The following NLRP11 variants were observed in gnomAD, a reference collection of about 807,000 sequenced individuals.
The protein encoded by NLRP11 is NACHT, LRR and PYD domains-containing protein 11.
Under a neutral mutation model 79.3 loss-of-function variants are expected in NLRP11, and 53 were observed. The ratio of observed to expected loss-of-function variants is 0.67; its 90% CI spans 0.54 to 0.84. The LOEUF (loss-of-function observed/expected upper bound fraction) is 0.84, where lower values mean the gene tolerates loss of function less well. Among genes scored for constraint, NLRP11 ranks in the 40% least tolerant of loss-of-function variants. The pLI, the probability that NLRP11 is intolerant of heterozygous loss-of-function variation, is 0.00. For synonymous variants in NLRP11, 518 were observed against 462.6 expected (o/e 1.12, Z -1.54); for missense variants, 1,264 against 1,255.0 (o/e 1.01, Z -0.11).
chr19:55,796,800 T>C (rs1310898893), intron 5 of NLRP11, among the ~76,000 whole-genome samples: 2 of 152,040 alleles, frequency 1.3e-5, no homozygotes, highest in Admixed American at 6.6e-5. Flanking sequence ...GCGATTCTCC[T>C]GCCTCGGCCT....
At chr19:55,821,203 TCTCACACACACACACACACACACACA>T (rs1453908736) in intron 1 of NLRP11, among the ~76,000 whole-genome samples, 34 of 113,202 alleles carry the variant, frequency 3.0e-4, no homozygotes, top group Non-Finnish European at 5.0e-4. Context: ...TCTCTCTCTC[TCTCACACACACACACACACACACACA>T]CACACACACA....
intron 5 of NLRP11, chr19:55,798,237 A>T: frequency 8.2e-6 from 6 of 728,542 alleles, no homozygotes; most frequent in Non-Finnish European, 1.0e-5. Context: ...ACCTCAGGTG[A>T]TCTGCCCGCC....
intron 7 of NLRP11, 62 bp from the exon 8 acceptor site, chr19:55,789,461 A>G (rs1990108071): frequency 4.8e-6 from 7 of 1,463,798 alleles, no homozygotes; most frequent in Middle Eastern, 1.8e-4. Flanking sequence ...TATTTCACAG[A>G]GTGTTAAGCA....
At chr19:55,802,201 C>CA in intron 4 of NLRP11, among the ~76,000 whole-genome samples, 1 of 150,222 alleles carries the variant, frequency 6.7e-6, no homozygotes, top group East Asian at 1.9e-4. Context: ...AAATGGCATC[C>CA]AAATAGGAAG....
intron 4 of NLRP11, among the ~76,000 whole-genome samples, chr19:55,806,374 C>T (rs528714102): frequency 3.3e-5 from 5 of 152,338 alleles, no homozygotes; most frequent in African/African-American, 7.2e-5. Flanking sequence ...TTCTGGCTCT[C>T]GCCGTCATTT....
chr19:55,801,590 C>T (rs1246141334), exon 5 of NLRP11: 2 of 1,613,900 alleles, frequency 1.2e-6, no homozygotes, highest in Non-Finnish European at 1.7e-6. Context: ...ACTTATTTGG[C>T]ATGTGGGCTC....
At chr19:55,800,276 T>C (rs2122767236) in intron 5 of NLRP11, among the ~76,000 whole-genome samples, 1 of 152,260 alleles carries the variant, frequency 6.6e-6, no homozygotes, top group Non-Finnish European at 1.5e-5. Context: ...GGATTGTTAG[T>C]TTTACTACAT....
At chr19:55,823,141 C>T (rs529769033) in intron 1 of NLRP11, among the ~76,000 whole-genome samples, 1 of 146,690 alleles carries the variant, frequency 6.8e-6, no homozygotes, top group African/African-American at 2.6e-5. Context: ...AGGCACCCCC[C>T]AGCAGGAGCA....
chr19:55,799,112 T>A (rs575937122), intron 5 of NLRP11, among the ~76,000 whole-genome samples: 38 of 152,216 alleles, frequency 2.5e-4, no homozygotes, highest in Non-Finnish European at 4.7e-4. Context: ...ACCAAAAATA[T>A]AAAAGTTAGC....
chr19:55,787,770 GT>G (rs1467075076), intron 9 of NLRP11, among the ~76,000 whole-genome samples: 1 of 152,198 alleles, frequency 6.6e-6, no homozygotes, highest in African/African-American at 2.4e-5. Context: ...CTGTTTGAGA[GT>G]TGGAGAGCAA....
chr19:55,785,925 T>A, intron 9 of NLRP11, 54 bp from the exon 10 acceptor site: 1 of 1,561,670 alleles, frequency 6.4e-7, no homozygotes, highest in East Asian at 2.2e-5. Context: ...GGTCTCAGCT[T>A]TGTTGCATCA....
At chr19:55,827,377 A>G (rs988547285) in intron 1 of NLRP11, among the ~76,000 whole-genome samples, 6 of 150,124 alleles carry the variant, frequency 4.0e-5, no homozygotes, top group African/African-American at 1.5e-4. Context: ...TGTCTAAAAC[A>G]CCAAAAGCAA....
chr19:55,831,780 T>C (rs1982813094), intron 1 of NLRP11, among the ~76,000 whole-genome samples, 183 bp downstream of exon 1: 1 of 150,858 alleles, frequency 6.6e-6, no homozygotes, highest in South Asian at 2.1e-4. Flanking sequence ...ATGACCCAAA[T>C]TTACTCATGT....
At chr19:55,801,577 A>G (rs372712418) in exon 5 of NLRP11, 99 of 1,613,876 alleles carry the variant, frequency 6.1e-5, no homozygotes, top group Non-Finnish European at 8.0e-5. Flanking sequence ...CTCACCTCAG[A>G]TGACTTATTT....
At position 55,789,462 on chromosome 19, in the gene NLRP11, G is replaced by C. The variant is rs138626549; in HGVS notation, c.2514-63C>G. 568 of 1,464,114 alleles carry C rather than the reference G, an allele frequency of 3.9e-4. 7 individuals carry two copies. Among genetic ancestry groups the C allele is most frequent in the South Asian group, 3.8e-3 (297 of 77,934 alleles). 90.7% of individuals were successfully genotyped at this position (1,464,114 alleles called of 1,614,324 possible). On this transcript the variant is annotated intron_variant, in intron 7 of 9. Transcript: ENST00000589093. ...TGTCTCCAAAGATTTATTTCACAGAGTGTTAAGCATTCTTGGACCCGTCTT... is the reference window on the plus strand; with the variant it reads ...TGTCTCCAAAGATTTATTTCACAGACTGTTAAGCATTCTTGGACCCGTCTT...
chr19:55,809,875 C>G lies in NLRP11; in HGVS notation c.735G>C (p.Leu245Phe). Residue 245 changes from leucine to phenylalanine, a missense_variant, in exon 3 of 10, where the codon TTG becomes TTC. Transcript: ENST00000589093. This position sits in a 1 kb window ranked among gnomAD's most constrained non-coding sequence, Gnocchi z 4.5. The stretch of plus-strand genomic sequence containing the variant: ...GAACTTTCTGGGTGCTGTTACTACA[C>G]AAAGCACTTTCATTGACATTTAACT... 4 of 1,614,188 alleles carry G rather than the reference C, an allele frequency of 2.5e-6. No homozygotes were observed. The highest frequency in any genetic ancestry group is 3.4e-6 in the Non-Finnish European group (4 of 1,180,024).
At chr19:55,817,790 A>T in intron 2 of NLRP11, 114 bp downstream of exon 2, 3 of 848,122 alleles carry the variant, frequency 3.5e-6, no homozygotes, top group Non-Finnish European at 3.7e-6. Flanking sequence ...CATGTACTCA[A>T]ATACCACCTG....
At position 55,809,668 on chromosome 19, in the gene NLRP11, T is replaced by C. The variant is rs1456500048; in HGVS notation, c.942A>G (p.Lys314=). The C allele has an allele frequency of 1.2e-6, 2 of 1,613,934 alleles. No individual in the cohort carries two copies. The highest frequency in any genetic ancestry group is 1.7e-6 in the Non-Finnish European group (2 of 1,179,930). ...GGGCTGCCGACGCCCTCTGGCGGTC[T>C]TTAAAGAAAGAGTTAAAATATATCT... is the stretch of plus-strand genomic sequence containing the variant. The change falls in exon 3 of 10, where the codon AAA becomes AAG. Residue 314 remains lysine (K), a synonymous_variant. Coordinates refer to ENST00000589093, the Ensembl canonical transcript of NLRP11. The surrounding 1 kb of genome is among the most constrained non-coding windows in gnomAD (Gnocchi z 4.5).
exon 10 of NLRP11, chr19:55,785,451 T>G (rs1165354422): frequency 1.6e-6 from 1 of 617,492 alleles, no homozygotes; most frequent in Non-Finnish European, 2.8e-6. Context: ...TTTAATACTC[T>G]TGAGACAGTG....
Sources: gnomAD v4.1 joint callset for allele counts (sites outside exome capture counted in the v4.1 genomes callset) on GRCh38, gnomAD v4.1.1 for gene constraint, Gnocchi (gnomAD v3.1) non-coding constraint, MANE v1.5 for transcripts, NCBI Gene and HGNC (gene_info 2026-07-23, HGNC 2026-07-21) for gene names.